The following MTCL1 variants were observed in gnomAD, a reference collection of about 807,000 sequenced individuals.
The protein encoded by MTCL1 is microtubule cross-linking factor 1.
In MTCL1, 79 loss-of-function variants were observed where a neutral mutation model predicts 141.4. The observed-to-expected ratio is 0.56, with a 90% CI of 0.47 to 0.67. The LOEUF is 0.67. Among genes scored for constraint, MTCL1 ranks in the 30% least tolerant of loss-of-function variants. The probability of loss-of-function intolerance (pLI) is 0.00; values close to 1 mark genes in which losing one functional copy is unlikely to be tolerated. For missense variants in MTCL1, 2,177 were observed against 2,113.9 expected (o/e 1.03, Z -0.59); for synonymous variants, 914 against 875.8 (o/e 1.04, Z -0.77).
intron 4 of MTCL1, among the ~76,000 whole-genome samples, chr18:8,738,101 C>G (rs978618168): frequency 2.0e-5 from 3 of 152,212 alleles, no homozygotes; most frequent in African/African-American, 7.2e-5. Context: ...CATTTCCAAA[C>G]CAGGAGGCCT....
chr18:8,794,787 C>CT (rs1376628375), intron 8 of MTCL1, among the ~76,000 whole-genome samples: 1 of 152,186 alleles, frequency 6.6e-6, no homozygotes, highest in Non-Finnish European at 1.5e-5. Context: ...CTGTAAATGA[C>CT]TAAGAGACCA....
chr18:8,805,253 C>T (rs918950426), intron 10 of MTCL1, among the ~76,000 whole-genome samples: 62 of 152,130 alleles, frequency 4.1e-4, no homozygotes, highest in African/African-American at 1.4e-3. Flanking sequence ...TCAACCCTTG[C>T]CCCTCTCCTC....
chr18:8,786,112 C>CCCCCCCCA, intron 7 of MTCL1, 21 bp downstream of exon 6: 1 of 1,362,934 alleles, frequency 7.3e-7, no homozygotes, highest in Non-Finnish European at 9.6e-7. Context: ...GCAAGCAATC[C>CCCCCCCCA]CCCCCCCCCG....
intron 4 of MTCL1, among the ~76,000 whole-genome samples, chr18:8,754,854 T>C (rs922613549): frequency 3.3e-5 from 5 of 152,170 alleles, no homozygotes; most frequent in African/African-American, 1.2e-4. Context: ...TTCAATCTTT[T>C]TGATGGGAAG....
At chr18:8,775,196 T>C (rs1254656718) in intron 4 of MTCL1, among the ~76,000 whole-genome samples, 2 of 152,198 alleles carry the variant, frequency 1.3e-5, no homozygotes, top group African/African-American at 2.4e-5. Flanking sequence ...ATTACAGCCC[T>C]GGAATTAAGT....
intron 4 of MTCL1, among the ~76,000 whole-genome samples, chr18:8,723,232 G>A (rs1319228169): frequency 6.6e-6 from 1 of 152,188 alleles, no homozygotes; most frequent in Non-Finnish European, 1.5e-5. Flanking sequence ...GAGAACGATG[G>A]TATCTCATGA....
chr18:8,712,050 A>C (rs2096096074), intron 1 of MTCL1, among the ~76,000 whole-genome samples: 1 of 152,150 alleles, frequency 6.6e-6, no homozygotes, highest in Non-Finnish European at 1.5e-5. Flanking sequence ...CTATTTTGAA[A>C]ATGCTTTTAG....
intron 8 of MTCL1, among the ~76,000 whole-genome samples, chr18:8,795,551 A>G (rs2075887992): frequency 6.6e-6 from 1 of 152,216 alleles, no homozygotes; most frequent in Non-Finnish European, 1.5e-5. Context: ...ACAGGAATTT[A>G]ATGTGGAGAT....
Position 8,718,975 on chromosome 18 carries a change from A to G in MTCL1, c.198+327A>G, listed in dbSNP as rs750874275. 5.0e-4 allele frequency among the ~76,000 whole-genome samples: 75 copies of G among 149,758 alleles called. 1 individual carries two copies. Among genetic ancestry groups the G allele is most frequent in the Non-Finnish European group, 9.1e-4 (62 of 68,008 alleles). ...AAATATTTTTTTTAAAAATCTATTG[A>G]TTATCAGTGTAGTCAAAGGCCACTC... On this transcript the variant is annotated intron_variant, in intron 3 of 16. Transcript: ENST00000359865.
chr18:8,830,788 TG>T lies in MTCL1; in HGVS notation c.*19-816del, dbSNP rs2077170870. Reference sequence around the variant, plus strand: ...TCTGTGTATCAGCAAATTCCAAATTTGGGTGTCCTGGTTTTGTAACATGTAA... The same window carrying T: ...TCTGTGTATCAGCAAATTCCAAATTTGGTGTCCTGGTTTTGTAACATGTAA... On this transcript the variant is annotated intron_variant, in intron 16 of 16. Coordinates refer to ENST00000359865, the Ensembl canonical transcript of MTCL1. This position sits in a 1 kb window ranked among gnomAD's most constrained non-coding sequence, Gnocchi z 6.4. 3 of 985,464 alleles carry T rather than the reference TG, an allele frequency of 3.0e-6. No homozygotes were observed. The highest frequency in any genetic ancestry group is 3.6e-6 in the Non-Finnish European group (3 of 829,940). 61.0% of individuals were successfully genotyped at this position (985,464 alleles called of 1,614,324 possible).
rs546132050 is a variant in MTCL1 at position 8,803,171 on chromosome 18, A to G, written c.2437-3722A>G. Among the ~76,000 whole-genome samples, 807 of 151,456 alleles carry G rather than the reference A, an allele frequency of 5.3e-3. 5 individuals carry two copies. The highest frequency in any genetic ancestry group is 0.018 in the African/African-American group (753 of 41,098). On this transcript the variant is annotated intron_variant, in intron 10 of 16. Coordinates refer to ENST00000359865, the Ensembl canonical transcript of MTCL1. ...GCAAGGTAAAGTTTAAAAAAAAAAA[A>G]AAGAAGAAGAAAAAGAAAAAGGCTT...
At chr18:8,809,302 G>T in intron 11 of MTCL1, 1 of 974,022 alleles carries the variant, frequency 1.0e-6, no homozygotes, top group South Asian at 1.7e-5. Context: ...GCATCTTTAT[G>T]GTCACTAACT....
At chr18:8,760,882 A>T (rs552356940) in intron 4 of MTCL1, among the ~76,000 whole-genome samples, 16 of 152,358 alleles carry the variant, frequency 1.1e-4, no homozygotes, top group African/African-American at 3.4e-4. Context: ...TAAATTAAGG[A>T]TTGAGAAATG....
At chr18:8,775,583 A>G (rs1361265991) in intron 4 of MTCL1, among the ~76,000 whole-genome samples, 1 of 152,120 alleles carries the variant, frequency 6.6e-6, no homozygotes, top group Non-Finnish European at 1.5e-5. Flanking sequence ...AAAACAAAAC[A>G]AAACAAAAGA....
At chr18:8,794,670 A>G (rs2075853099) in intron 8 of MTCL1, among the ~76,000 whole-genome samples, 1 of 152,192 alleles carries the variant, frequency 6.6e-6, no homozygotes, top group Non-Finnish European at 1.5e-5. Context: ...GACTCTCTAA[A>G]TTGATTATGT....
intron 3 of MTCL1, among the ~76,000 whole-genome samples, chr18:8,718,894 C>T (rs1352192227): frequency 6.6e-6 from 1 of 152,144 alleles, no homozygotes; most frequent in East Asian, 1.9e-4. Flanking sequence ...AGAATTAATA[C>T]CTGCCAATGG....
At chr18:8,750,249 T>C (rs2096363663) in intron 4 of MTCL1, among the ~76,000 whole-genome samples, 1 of 152,150 alleles carries the variant, frequency 6.6e-6, no homozygotes, top group African/African-American at 2.4e-5. Flanking sequence ...TTTCACCATG[T>C]TGGCCAGGCT....
intron 10 of MTCL1, 125 bp from the exon 10 acceptor site, chr18:8,806,768 G>T: frequency 1.3e-6 from 1 of 788,348 alleles, no homozygotes. Context: ...CACCCACCCT[G>T]CACCCACTGC....
At chr18:8,749,080 A>G (rs530394620) in intron 4 of MTCL1, among the ~76,000 whole-genome samples, 7 of 152,324 alleles carry the variant, frequency 4.6e-5, no homozygotes, top group Non-Finnish European at 8.8e-5. Context: ...ACCTTGTGAG[A>G]TATTTTATTT....
Sources: allele counts gnomAD v4.1 joint callset (sites outside exome capture counted in the v4.1 genomes callset), GRCh38; gene constraint gnomAD v4.1.1; non-coding constraint Gnocchi (gnomAD v3.1); transcripts MANE v1.5; gene names NCBI Gene and HGNC (gene_info 2026-07-23, HGNC 2026-07-21).